Variants in CRTAC1 observed in about 807,000 individuals in gnomAD.
CRTAC1 encodes cartilage acidic protein 1, also known as acidic secreted protein in cartilage.
Under a neutral mutation model 67.8 loss-of-function variants are expected in CRTAC1, and 37 were observed. The observed-to-expected ratio is 0.55, with a 90% confidence interval of 0.42 to 0.72. CRTAC1 has a LOEUF of 0.72. Ranked by LOEUF, CRTAC1 falls within the 30% of genes least tolerant of loss-of-function variation. CRTAC1 has a pLI of 0.00. For missense variants in CRTAC1, 780 were observed against 931.6 expected (o/e 0.84, Z 2.12); for synonymous variants, 348 against 371.0 (o/e 0.94, Z 0.71).
intron 3 of CRTAC1, among the ~76,000 whole-genome samples, chr10:97,934,243 G>A (rs1218380247): frequency 6.6e-6 from 1 of 152,234 alleles, no homozygotes. Context: ...ACGTTAAAGA[G>A]TTGATCAGCC....
chr10:97,880,514 C>T, intron 13 of CRTAC1, 122 bp from the exon 14 acceptor site: 9 of 1,260,960 alleles, frequency 7.1e-6, no homozygotes, highest in Non-Finnish European at 9.9e-6. Flanking sequence ...CCTCAGTTTC[C>T]CTGCTTCAGT....
At position 97,865,105 on chromosome 10, in the gene CRTAC1, A is replaced by G. The variant is rs532682664; in HGVS notation, c.*443T>C. 1.3e-5 allele frequency: 2 copies of G among 156,202 alleles called. No individual in the cohort carries two copies. The highest frequency in any genetic ancestry group is 3.8e-4 in the East Asian group (2 of 5,290). 9.7% of individuals were successfully genotyped at this position (156,202 alleles called of 1,614,324 possible). On this transcript the variant is annotated 3_prime_UTR_variant, in exon 15 of 15. Coordinates refer to ENST00000370597, the MANE Select transcript of CRTAC1 (RefSeq NM_018058.7). Reference sequence around the variant, plus strand: ...TACATACATTTAATCTAATCTCCACACTAACCCCAAGATTCTATTCTTAAT... The same window carrying G: ...TACATACATTTAATCTAATCTCCACGCTAACCCCAAGATTCTATTCTTAAT...
At chr10:97,892,435 C>T (rs1171743435) in intron 11 of CRTAC1, among the ~76,000 whole-genome samples, 1 of 152,210 alleles carries the variant, frequency 6.6e-6, no homozygotes, top group African/African-American at 2.4e-5. Flanking sequence ...TGGTGGTCAC[C>T]TTGGTGCTTG....
At position 97,936,740 on chromosome 10, in the gene CRTAC1, A is replaced by G. The variant is rs554925706; in HGVS notation, c.225-374T>C. On this transcript the variant is annotated intron_variant, in intron 2 of 14. Transcript: ENST00000370597. ...TGCAAAAGGCACTTTCACATTTATG[A>G]TCTCATTAATTTAAATTTAACAATC... Among the ~76,000 whole-genome samples the G allele has an allele frequency of 3.9e-5, 6 of 152,292 alleles. No individual in the cohort carries two copies. The East Asian group carries it at 1.2e-3, about 29-fold the overall frequency.
chr10:97,962,243 C>T (rs906654103), intron 2 of CRTAC1, among the ~76,000 whole-genome samples: 2 of 152,132 alleles, frequency 1.3e-5, no homozygotes, highest in Non-Finnish European at 2.9e-5. Flanking sequence ...TCTGAAGCAG[C>T]CTTGCTGAAT....
chr10:97,958,847 G>C (rs1258023262), intron 2 of CRTAC1, among the ~76,000 whole-genome samples: 2 of 152,040 alleles, frequency 1.3e-5, no homozygotes, highest in African/African-American at 4.8e-5. Flanking sequence ...AAACTAATGG[G>C]GATAAATTTC....
At chr10:97,868,242 T>A (rs1302197127) in intron 14 of CRTAC1, 1 of 152,260 alleles carries the variant, frequency 6.6e-6, no homozygotes, top group Non-Finnish European at 1.5e-5. Context: ...AACCATATGT[T>A]AGAGCTGGCA....
Position 97,975,984 on chromosome 10 carries a change from C to A in CRTAC1, c.224+35154G>T, listed in dbSNP as rs1460828010. 2.6e-5 allele frequency among the ~76,000 whole-genome samples: 4 copies of A among 152,270 alleles called. No individual in the cohort carries two copies. ...CCCTATAGAGACCACTGACGTGGAGCCCCCAAACCCAGAGGAAGAGAGACA... is the reference window on the plus strand; with the variant it reads ...CCCTATAGAGACCACTGACGTGGAGACCCCAAACCCAGAGGAAGAGAGACA... On this transcript the variant is annotated intron_variant, in intron 2 of 14. Transcript: ENST00000370597. The surrounding 1 kb of genome is among the most constrained non-coding windows in gnomAD (Gnocchi z 4.8).
Position 97,865,583 on chromosome 10 carries a change from A to G in CRTAC1, c.1951T>C (p.Ser651Pro). The G allele has an allele frequency of 6.2e-7, 1 of 1,612,498 alleles. No individual in the cohort carries two copies. The part of the protein sequence containing the change: ...VLVDGDLNLG[S>P]VVKESCEPSC ...GGCTCGCAGCTCTCCTTAACCACCG[A>G]CCCCAGATTGAGATCTCCATCTACG... The change falls in exon 15 of 15, where the codon TCG becomes CCG. Residue 651 changes from serine to proline, a missense_variant. Physicochemically the swap from Ser to Pro is moderately conservative, Grantham distance 74. Transcript: ENST00000370597.
intron 2 of CRTAC1, among the ~76,000 whole-genome samples, chr10:97,984,530 G>A (rs905568956): frequency 6.6e-6 from 1 of 152,184 alleles, no homozygotes; most frequent in Non-Finnish European, 1.5e-5. Context: ...AGCCAAGCTC[G>A]GTGAATAACC....
rs200664446 is a variant in CRTAC1 at position 97,901,600 on chromosome 10, G to A, written c.1036C>T (p.Arg346Cys). 102 of 1,614,166 alleles carry A rather than the reference G, an allele frequency of 6.3e-5. No individual in the cohort carries two copies. Among genetic ancestry groups the A allele is most frequent in the South Asian group, 5.8e-4 (53 of 91,074 alleles). The change falls in exon 8 of 15, where the codon CGC (arginine) becomes TGC (cysteine). Residue 346 changes from arginine (R) to cysteine (C), a missense_variant. By Grantham distance (180) the Arg-to-Cys change is radical (BLOSUM62 -3). Coordinates refer to ENST00000370597, the MANE Select transcript of CRTAC1 (RefSeq NM_018058.7). Reference sequence around the variant, plus strand: ...TCAAAGTCGGCGGTGATGACCGTGCGGACAGGGGAGGGCATGGAGAACTTG... The same window carrying A: ...TCAAAGTCGGCGGTGATGACCGTGCAGACAGGGGAGGGCATGGAGAACTTG... ...SPKFSMPSPV[R>C]TVITADFDND...
chr10:97,981,400 T>A (rs929686440), intron 2 of CRTAC1, among the ~76,000 whole-genome samples: 15 of 152,388 alleles, frequency 9.8e-5, no homozygotes, highest in African/African-American at 3.4e-4. Context: ...TCAAGTTTTA[T>A]ATTATGCTTC....
At chr10:98,011,032 T>G in intron 2 of CRTAC1, 106 bp downstream of exon 2, 1 of 964,580 alleles carries the variant, frequency 1.0e-6, no homozygotes, top group Non-Finnish European at 1.6e-6. Flanking sequence ...GACCTATGAG[T>G]GAGAACGTAT....
chr10:97,907,791 C>T (rs2050633957), intron 6 of CRTAC1, among the ~76,000 whole-genome samples: 1 of 152,174 alleles, frequency 6.6e-6, no homozygotes. Context: ...GCAGGAGTTT[C>T]AGACCCCTTT....
Position 97,895,111 on chromosome 10 carries a change from G to T in CRTAC1, c.1486+134C>A. The T allele has an allele frequency of 3.6e-6, 3 of 840,688 alleles. 1 individual carries two copies. The Middle Eastern group carries it at 7.1e-4, about 198-fold the overall frequency. 52.1% of individuals were successfully genotyped at this position (840,688 alleles called of 1,614,324 possible). ...TCAGGCTCATCTCAGAGTAGGGTTT[G>T]TCCCCAGTAGCTGGTGTCCACCATG... On this transcript the variant is annotated intron_variant, in intron 11 of 14. Transcript: ENST00000370597. The surrounding 1 kb of genome is among the most constrained non-coding windows in gnomAD (Gnocchi z 4.2).
At chr10:97,869,545 C>G (rs1470091624) in intron 14 of CRTAC1, 2 of 152,472 alleles carry the variant, frequency 1.3e-5, no homozygotes, top group African/African-American at 4.8e-5. Context: ...CCTGCGCCAG[C>G]ACCCTGCTGT....
At chr10:97,986,614 T>C (rs372698425) in intron 2 of CRTAC1, among the ~76,000 whole-genome samples, 4 of 152,218 alleles carry the variant, frequency 2.6e-5, no homozygotes, top group African/African-American at 9.6e-5. Flanking sequence ...AAACAAGAAT[T>C]ACAAAATCTT....
At chr10:97,875,813 C>T (rs1466079655) in intron 14 of CRTAC1, 1 of 152,182 alleles carries the variant, frequency 6.6e-6, no homozygotes, top group Non-Finnish European at 1.5e-5. Flanking sequence ...GGTGTGATAC[C>T]CAGACCCTGG....
At chr10:97,885,964 T>C in intron 11 of CRTAC1, among the ~76,000 whole-genome samples, 1 of 152,286 alleles carries the variant, frequency 6.6e-6, no homozygotes, top group East Asian at 1.9e-4. Flanking sequence ...TGGTCATTAC[T>C]ATCCACCAAT....
Sources: allele counts gnomAD v4.1 joint callset (sites outside exome capture counted in the v4.1 genomes callset), GRCh38; gene constraint gnomAD v4.1.1; non-coding constraint Gnocchi (gnomAD v3.1); transcripts MANE v1.5; gene names NCBI Gene and HGNC (gene_info 2026-07-23, HGNC 2026-07-21).